MICAL3: variants seen among roughly 807,000 people sequenced by gnomAD.
MICAL3 encodes microtubule associated monooxygenase, calponin and LIM domain containing 3, also known as [F-actin]-monooxygenase MICAL3.
Under a neutral mutation model 207.4 loss-of-function variants are expected in MICAL3, and 62 were observed. The ratio of observed to expected loss-of-function variants is 0.30; its 90% confidence interval spans 0.24 to 0.37. The LOEUF (loss-of-function observed/expected upper bound fraction) is 0.37, where lower values mean the gene tolerates loss of function less well. Ranked by LOEUF, MICAL3 falls within the 10% of genes least tolerant of loss-of-function variation. The pLI is 1.00. For synonymous variants in MICAL3, 1,077 were observed against 1,069.3 expected, an observed-to-expected ratio of 1.01 and a Z score of -0.14; for missense variants, 2,368 against 2,635.6, an observed-to-expected ratio of 0.90 and a Z score of 2.22.
intron 1 of MICAL3, among the ~76,000 whole-genome samples, chr22:17,947,684 G>A (rs569197918): frequency 6.6e-5 from 10 of 152,102 alleles, no homozygotes; most frequent in Admixed American, 4.6e-4. Context: ...TCAGCCTCCC[G>A]AGTAGCTGGG....
chr22:17,800,705 G>C (rs1046005315), intron 29 of MICAL3, among the ~76,000 whole-genome samples: 3 of 152,114 alleles, frequency 2.0e-5, no homozygotes, highest in African/African-American at 7.2e-5. Flanking sequence ...GGAGAAATGA[G>C]ACGGGTGCTA....
At chr22:17,890,469 C>T (rs1930307889) in intron 12 of MICAL3, among the ~76,000 whole-genome samples, 1 of 152,122 alleles carries the variant, frequency 6.6e-6, no homozygotes, top group Non-Finnish European at 1.5e-5. Flanking sequence ...CTTGCCCTAC[C>T]CCCTTTCTTT....
intron 1 of MICAL3, among the ~76,000 whole-genome samples, chr22:17,939,523 C>A (rs187751546): frequency 6.6e-6 from 1 of 152,292 alleles, no homozygotes; most frequent in East Asian, 1.9e-4. Context: ...AGAGGCAGGG[C>A]GGGAAGCCTG....
intron 1 of MICAL3, among the ~76,000 whole-genome samples, chr22:17,918,767 G>C (rs971266287): frequency 2.0e-5 from 3 of 151,918 alleles, no homozygotes; most frequent in Non-Finnish European, 2.9e-5. Flanking sequence ...CTCAGCCTCC[G>C]CATCTGCAGC....
At chr22:17,890,050 A>T (rs1220404367) in intron 12 of MICAL3, among the ~76,000 whole-genome samples, 3 of 151,860 alleles carry the variant, frequency 2.0e-5, no homozygotes, top group Non-Finnish European at 2.9e-5. Context: ...TCCTCAAAAA[A>T]TTTTTCCATT....
At chr22:17,803,238 G>C (rs9605409) in intron 29 of MICAL3, among the ~76,000 whole-genome samples, 1 of 152,124 alleles carries the variant, frequency 6.6e-6, no homozygotes, top group African/African-American at 2.4e-5. Context: ...GTGAGCCCCA[G>C]GACAGAGCAA....
At chr22:17,878,354 C>T (rs1009768474) in intron 16 of MICAL3, among the ~76,000 whole-genome samples, 2 of 152,170 alleles carry the variant, frequency 1.3e-5, no homozygotes, top group Non-Finnish European at 2.9e-5. Flanking sequence ...AGGGTGAGCA[C>T]CGTGGGGCGA....
chr22:17,991,342 A>G (rs1921662767), intron 1 of MICAL3, among the ~76,000 whole-genome samples: 1 of 152,254 alleles, frequency 6.6e-6, no homozygotes, highest in Non-Finnish European at 1.5e-5. Context: ...TGCCTAAAAT[A>G]TTGTCTATAG....
At chr22:17,936,565 AAAGTAT>A (rs1466673672) in intron 1 of MICAL3, among the ~76,000 whole-genome samples, 3 of 151,692 alleles carry the variant, frequency 2.0e-5, no homozygotes, top group East Asian at 1.9e-4. Context: ...CCTAGAACTT[AAAGTAT>A]AATTAAAAAA....
Position 17,902,530 on chromosome 22 carries a change from T to TG in MICAL3, c.589+100dup. The TG allele has an allele frequency of 1.5e-6, 1 of 677,578 alleles. No individual in the cohort carries two copies. Among genetic ancestry groups the TG allele is most frequent in the Non-Finnish European group, 2.5e-6 (1 of 393,962 alleles). The allele number at this position is 677,578 out of a possible 1,614,324, so 42.0% of individuals were successfully genotyped here. ...CAAAGGCACAGGCTTTGGCTAGCTC[T>TG]GGAAGCAGCCCTCAGGAGCCTTTGG... On this transcript the variant is annotated intron_variant, in intron 4 of 31. Coordinates refer to ENST00000441493, the MANE Select transcript of MICAL3 (RefSeq NM_015241.3). This position sits in a 1 kb window ranked among gnomAD's most constrained non-coding sequence, Gnocchi z 4.5.
chr22:17,804,532 G>A (rs143195480), intron 29 of MICAL3, among the ~76,000 whole-genome samples: 36 of 152,338 alleles, frequency 2.4e-4, no homozygotes, highest in African/African-American at 6.7e-4. Flanking sequence ...CCAGGCACTC[G>A]GCCGAAGGCT....
intron 1 of MICAL3, among the ~76,000 whole-genome samples, chr22:17,979,012 C>CA (rs200983938): frequency 0.048 from 7,238 of 150,562 alleles, 564 homozygotes; most frequent in African/African-American, 0.17. Context: ...CCCATCTCTA[C>CA]AAAAAATACA....
chr22:17,884,185 G>T, intron 16 of MICAL3: 1 of 782,128 alleles, frequency 1.3e-6, no homozygotes, highest in South Asian at 1.9e-5. Flanking sequence ...TAGGATTCCA[G>T]AGCACAGGCC....
intron 1 of MICAL3, among the ~76,000 whole-genome samples, chr22:17,954,728 C>A (rs1163525406): frequency 6.6e-6 from 1 of 150,990 alleles, no homozygotes; most frequent in Non-Finnish European, 1.5e-5. Context: ...GTGAGTCAAA[C>A]AAACTGGATT....
intron 28 of MICAL3, among the ~76,000 whole-genome samples, chr22:17,809,145 G>A (rs1030045956): frequency 6.6e-6 from 1 of 152,206 alleles, no homozygotes; most frequent in African/African-American, 2.4e-5. Flanking sequence ...GGCCTTGCTA[G>A]TTAGCATCAA....
At chr22:17,805,574 C>G (rs1163713932) in intron 29 of MICAL3, among the ~76,000 whole-genome samples, 1 of 152,230 alleles carries the variant, frequency 6.6e-6, no homozygotes, top group East Asian at 1.9e-4. Flanking sequence ...GAAGACTCAT[C>G]TAAAGGAAGG....
At chr22:17,975,856 G>T (rs1324283696) in intron 1 of MICAL3, among the ~76,000 whole-genome samples, 1 of 152,104 alleles carries the variant, frequency 6.6e-6, no homozygotes, top group Non-Finnish European at 1.5e-5. Flanking sequence ...TTTGAGGCCA[G>T]CCTGATCAAC....
At chr22:17,957,893 A>G (rs895226539) in intron 1 of MICAL3, among the ~76,000 whole-genome samples, 2 of 152,056 alleles carry the variant, frequency 1.3e-5, no homozygotes, top group African/African-American at 4.8e-5. Context: ...CTGCATATGG[A>G]AGACAGCTGT....
In MICAL3 at chr22:17,817,304, G is replaced by A. The variant is rs200406007; in HGVS notation, c.5350+7C>T. The A allele has an allele frequency of 1.3e-5, 21 of 1,583,334 alleles. No individual in the cohort carries two copies. The African/African-American group carries it at 2.3e-4, about 17-fold the overall frequency. On this transcript the variant is annotated splice_region_variant and intron_variant, in intron 26 of 31. Coordinates refer to ENST00000441493, the MANE Select transcript of MICAL3 (RefSeq NM_015241.3). ...CTGCCTGCACGCGGACCCGGCTGCT[G>A]ACGCACCTGCCCTTACGACGGGAAG...
Sources: gnomAD v4.1 joint callset for allele counts (sites outside exome capture counted in the v4.1 genomes callset) on GRCh38, gnomAD v4.1.1 for gene constraint, Gnocchi (gnomAD v3.1) non-coding constraint, MANE v1.5 for transcripts, NCBI Gene and HGNC (gene_info 2026-07-23, HGNC 2026-07-21) for gene names.